Variants in MDGA2 observed in about 807,000 individuals in gnomAD.
MDGA2 encodes the protein MAM domain containing glycosylphosphatidylinositol anchor 2.
Under a neutral mutation model 117.8 loss-of-function variants are expected in MDGA2, and 40 were observed. The observed-to-expected ratio is 0.34, with a 90% CI of 0.26 to 0.44. MDGA2 has a LOEUF of 0.44. Ranked by LOEUF, MDGA2 falls within the 20% of genes least tolerant of loss-of-function variation. The pLI, the probability that MDGA2 is intolerant of heterozygous loss-of-function variation, is 1.00. For missense variants in MDGA2, 1,123 were observed against 1,250.6 expected (o/e 0.90, Z 1.54); for synonymous variants, 452 against 439.0 (o/e 1.03, Z -0.37).
chr14:47,302,441 A>C (rs1442805029), intron 1 of MDGA2, among the ~76,000 whole-genome samples: 1 of 152,162 alleles, frequency 6.6e-6, no homozygotes, highest in Non-Finnish European at 1.5e-5. Context: ...TTTGGGAGTG[A>C]AAGAGAATGA....
At chr14:47,071,978 T>C (rs1299123115) in intron 6 of MDGA2, among the ~76,000 whole-genome samples, 2 of 151,782 alleles carry the variant, frequency 1.3e-5, no homozygotes, top group Non-Finnish European at 2.9e-5. Flanking sequence ...CACCATCGTA[T>C]AGTTGTTCAG....
intron 1 of MDGA2, among the ~76,000 whole-genome samples, chr14:47,321,946 T>C (rs922042342): frequency 6.6e-6 from 1 of 152,204 alleles, no homozygotes; most frequent in Non-Finnish European, 1.5e-5. Context: ...GCTTACTATT[T>C]TACAACTGTA....
intron 3 of MDGA2, among the ~76,000 whole-genome samples, chr14:47,197,536 C>A (rs185099661): frequency 2.0e-5 from 3 of 152,220 alleles, no homozygotes; most frequent in Admixed American, 1.3e-4. Flanking sequence ...TGTTTGGTAA[C>A]TTGATTGACT....
intron 2 of MDGA2, among the ~76,000 whole-genome samples, chr14:47,300,191 C>T (rs1024830612): frequency 2.0e-5 from 3 of 152,158 alleles, no homozygotes; most frequent in South Asian, 4.1e-4. Flanking sequence ...CATTACTTTT[C>T]GCTTTTCCCT....
Position 47,170,680 on chromosome 14 carries a change from C to G in MDGA2, c.596-26406G>C, listed in dbSNP as rs180690966. Among the ~76,000 whole-genome samples the G allele has an allele frequency of 3.9e-5, 6 of 152,142 alleles. No homozygotes were observed. The East Asian group carries it at 1.2e-3, about 29-fold the overall frequency. On this transcript the variant is annotated intron_variant, in intron 3 of 16. Transcript: ENST00000399232. The stretch of plus-strand genomic sequence containing the variant: ...TTTAATGCATTATTACAAGTTTATA[C>G]AAAACAATTAGATACAGAGTTATCA...
chr14:47,237,575 G>T (rs935280486), intron 2 of MDGA2, among the ~76,000 whole-genome samples: 2 of 152,116 alleles, frequency 1.3e-5, no homozygotes, highest in Non-Finnish European at 2.9e-5. Flanking sequence ...AAAAATATTA[G>T]AAATAAAATA....
chr14:47,462,548 AT>A (rs1353846177), intron 1 of MDGA2, among the ~76,000 whole-genome samples: 1 of 152,166 alleles, frequency 6.6e-6, no homozygotes, highest in Admixed American at 6.5e-5. Flanking sequence ...TGCCTTAGGT[AT>A]TTTTTAAAAT....
chr14:46,929,663 TTTTTC>T lies in MDGA2; in HGVS notation c.2090-9508_2090-9504del, dbSNP rs1463638939. 8.2e-5 allele frequency among the ~76,000 whole-genome samples: 7 copies of T among 85,766 alleles called. 1 individual carries two copies. Among genetic ancestry groups the T allele is most frequent in the South Asian group, 4.0e-4 (1 of 2,476 alleles). 56.3% of individuals were successfully genotyped at this position (85,766 alleles called of 152,430 possible). A position where few individuals can be genotyped will look rare whatever the true frequency, so the allele number is the denominator to read the frequency against. On this transcript the variant is annotated intron_variant, in intron 9 of 16. Transcript: ENST00000399232. ...TATATATATACATTTTTTTTTTTTTTTTTTCGAGATGGACTCTCACTCTGTCTCCC... is the reference window on the plus strand; with the variant it reads ...TATATATATACATTTTTTTTTTTTTTGAGATGGACTCTCACTCTGTCTCCC...
chr14:47,162,578 G>T (rs976128603), intron 3 of MDGA2, among the ~76,000 whole-genome samples: 9 of 151,998 alleles, frequency 5.9e-5, no homozygotes, highest in Non-Finnish European at 1.2e-4. Flanking sequence ...AGCTCAGGTG[G>T]TTATCTTTTC....
chr14:47,009,972 C>G (rs2138528746), intron 8 of MDGA2, among the ~76,000 whole-genome samples: 1 of 152,158 alleles, frequency 6.6e-6, no homozygotes, highest in South Asian at 2.1e-4. Flanking sequence ...ACCCCCCTTT[C>G]CCAACCTATT....
intron 1 of MDGA2, among the ~76,000 whole-genome samples, chr14:47,545,580 C>G (rs753259364): frequency 6.6e-6 from 1 of 152,114 alleles, no homozygotes; most frequent in Non-Finnish European, 1.5e-5. Flanking sequence ...CAGGGTTCTA[C>G]TTATAATGTT....
At chr14:47,193,189 C>G (rs139453373) in intron 3 of MDGA2, among the ~76,000 whole-genome samples, 1 of 152,104 alleles carries the variant, frequency 6.6e-6, no homozygotes, top group Admixed American at 6.6e-5. Context: ...ATTTATCCTC[C>G]GTAATAACTA....
At chr14:47,231,417 C>T (rs1184748571) in intron 2 of MDGA2, among the ~76,000 whole-genome samples, 1 of 152,022 alleles carries the variant, frequency 6.6e-6, no homozygotes, top group African/African-American at 2.4e-5. Context: ...CCATCTGAGT[C>T]CAGAGCCTGT....
intron 2 of MDGA2, among the ~76,000 whole-genome samples, chr14:47,264,175 A>G (rs1887888531): frequency 6.6e-6 from 1 of 152,144 alleles, no homozygotes; most frequent in African/African-American, 2.4e-5. Flanking sequence ...TACTTCTGAG[A>G]CCCATCTATA....
At chr14:46,870,096 T>C (rs1881937382) in intron 14 of MDGA2, among the ~76,000 whole-genome samples, 1 of 151,938 alleles carries the variant, frequency 6.6e-6, no homozygotes, top group Admixed American at 6.6e-5. Context: ...ATAATAAATA[T>C]TTGTTGTTTT....
At chr14:47,519,531 T>C (rs1894825183) in intron 1 of MDGA2, among the ~76,000 whole-genome samples, 1 of 152,192 alleles carries the variant, frequency 6.6e-6, no homozygotes, top group Admixed American at 6.5e-5. Context: ...TTAATGGAAA[T>C]AGTTGATGGT....
At chr14:47,126,599 A>T (rs2139127821) in intron 5 of MDGA2, among the ~76,000 whole-genome samples, 1 of 152,246 alleles carries the variant, frequency 6.6e-6, no homozygotes, top group South Asian at 2.1e-4. Context: ...GATGACATTG[A>T]CTTTATCATG....
chr14:46,967,503 G>A (rs78090258), intron 8 of MDGA2, among the ~76,000 whole-genome samples: 17,857 of 152,024 alleles, frequency 0.12, 1,968 homozygotes, highest in African/African-American at 0.27. Context: ...AAGAAGAGTT[G>A]AATTGCTACA....
intron 8 of MDGA2, among the ~76,000 whole-genome samples, chr14:47,005,427 G>T (rs1317149559): frequency 6.6e-6 from 1 of 151,494 alleles, no homozygotes; most frequent in Non-Finnish European, 1.5e-5. Flanking sequence ...ACTGTTGAGT[G>T]TTAAACCAAC....
Sources: allele counts gnomAD v4.1 joint callset (sites outside exome capture counted in the v4.1 genomes callset), GRCh38; gene constraint gnomAD v4.1.1; transcripts MANE v1.5; gene names NCBI Gene and HGNC (gene_info 2026-07-23, HGNC 2026-07-21).